OSTF1: variants seen among roughly 807,000 people sequenced by gnomAD.
The protein encoded by OSTF1 is osteoclast stimulating factor 1, also known as osteoclast-stimulating factor 1.
OSTF1 carries 27 observed loss-of-function variants against 37.2 expected under a neutral mutation model. The ratio of observed to expected loss-of-function variants is 0.73; its 90% confidence interval spans 0.54 to 1.00. The LOEUF (loss-of-function observed/expected upper bound fraction) is 1.00, where lower values mean the gene tolerates loss of function less well. Ranked by LOEUF, OSTF1 falls within the 50% of genes least tolerant of loss-of-function variation. OSTF1 has a pLI of 0.00. For synonymous variants in OSTF1, 82 were observed against 89.2 expected, an observed-to-expected ratio of 0.92 and a Z score of 0.46; for missense variants, 232 against 253.8, an observed-to-expected ratio of 0.91 and a Z score of 0.58.
chr9:75,116,351 A>T (rs927975773), intron 1 of OSTF1, among the ~76,000 whole-genome samples: 3 of 152,182 alleles, frequency 2.0e-5, no homozygotes, highest in Non-Finnish European at 4.4e-5. Flanking sequence ...GATTATACTC[A>T]TTTAGCAAAC....
intron 1 of OSTF1, among the ~76,000 whole-genome samples, chr9:75,114,872 A>G (rs1379242523): frequency 2.0e-5 from 3 of 152,150 alleles, no homozygotes; most frequent in Non-Finnish European, 2.9e-5. Flanking sequence ...TTTAAAATTC[A>G]TGCTTCCATC....
intron 1 of OSTF1, among the ~76,000 whole-genome samples, chr9:75,107,535 T>G (rs1587446419): frequency 6.6e-6 from 1 of 152,198 alleles, no homozygotes; most frequent in Non-Finnish European, 1.5e-5. Context: ...GGGAGAATAT[T>G]GTTTTTTATA....
intron 9 of OSTF1, among the ~76,000 whole-genome samples, chr9:75,141,776 C>T (rs963328088): frequency 1.3e-5 from 2 of 152,096 alleles, no homozygotes; most frequent in African/African-American, 4.8e-5. Flanking sequence ...TAGATGGAGT[C>T]TTACTCTGTT....
chr9:75,146,636 A>C (rs1826029012), intron 9 of OSTF1, 47 bp from the exon 10 acceptor site: 2 of 1,218,716 alleles, frequency 1.6e-6, no homozygotes, highest in Non-Finnish European at 2.4e-6. Context: ...AAATCTGAGC[A>C]GTTTATAATT....
intron 2 of OSTF1, among the ~76,000 whole-genome samples, chr9:75,120,177 G>T (rs1051007210): frequency 6.6e-6 from 1 of 152,180 alleles, no homozygotes; most frequent in Non-Finnish European, 1.5e-5. Flanking sequence ...CCATCGTAAA[G>T]TTGACAAATT....
At chr9:75,097,715 T>G (rs1248742961) in intron 1 of OSTF1, among the ~76,000 whole-genome samples, 1 of 151,968 alleles carries the variant, frequency 6.6e-6, no homozygotes, top group Non-Finnish European at 1.5e-5. Flanking sequence ...ACATGCTTCA[T>G]TATGAGTGGG....
At chr9:75,128,744 A>G (rs1161791352) in intron 3 of OSTF1, among the ~76,000 whole-genome samples, 2 of 150,800 alleles carry the variant, frequency 1.3e-5, no homozygotes. Context: ...AGAGCAAATG[A>G]GTAATTAGGT....
chr9:75,127,856 T>G (rs1331602596), intron 3 of OSTF1, among the ~76,000 whole-genome samples: 1 of 151,620 alleles, frequency 6.6e-6, no homozygotes, highest in East Asian at 1.9e-4. Flanking sequence ...TAGAAAGAAA[T>G]GGGGAATATC....
chr9:75,115,679 T>G (rs550265497), intron 1 of OSTF1, among the ~76,000 whole-genome samples: 76 of 151,586 alleles, frequency 5.0e-4, no homozygotes, highest in African/African-American at 1.6e-3. Flanking sequence ...TTTTGCTATC[T>G]ATAGGCTTTT....
intron 2 of OSTF1, among the ~76,000 whole-genome samples, chr9:75,123,708 G>A (rs1825618062): frequency 6.6e-6 from 1 of 152,220 alleles, no homozygotes; most frequent in South Asian, 2.1e-4. Flanking sequence ...TTAGGAAAAC[G>A]TGTCCCTAGT....
chr9:75,106,305 G>A (rs940889923), intron 1 of OSTF1, among the ~76,000 whole-genome samples: 1 of 152,206 alleles, frequency 6.6e-6, no homozygotes, highest in Non-Finnish European at 1.5e-5. Flanking sequence ...CTCACAGTAT[G>A]ACTTTCTTTC....
At chr9:75,111,895 C>T (rs980582694) in intron 1 of OSTF1, among the ~76,000 whole-genome samples, 1 of 125,110 alleles carries the variant, frequency 8.0e-6, no homozygotes, top group South Asian at 2.7e-4. Context: ...GTGATCTCGG[C>T]TCACTACCAC....
chr9:75,114,407 A>G (rs563871767), intron 1 of OSTF1, among the ~76,000 whole-genome samples: 6 of 152,350 alleles, frequency 3.9e-5, no homozygotes, highest in Admixed American at 1.3e-4. Flanking sequence ...AAATCAATTT[A>G]TCAGTCACAT....
chr9:75,143,247 TA>T (rs1825971034), intron 9 of OSTF1, among the ~76,000 whole-genome samples: 1 of 152,168 alleles, frequency 6.6e-6, no homozygotes. Context: ...GATTTTTTAA[TA>T]AGTACAAAAA....
rs371365788 is a variant in OSTF1, at chr9:75,146,799, T to C, written c.*58T>C. On this transcript the variant is annotated 3_prime_UTR_variant, in exon 10 of 10. Coordinates refer to ENST00000346234, the MANE Select transcript of OSTF1 (RefSeq NM_012383.5). ...TGTTGCTTTTGCCATTCCAAAACTT[T>C]GTCTTTGCCAGAAAAGTGTTGGTAA... 14 of 1,291,666 alleles carry C rather than the reference T, an allele frequency of 1.1e-5. No homozygotes were observed. The highest frequency in any genetic ancestry group is 1.5e-5 in the Non-Finnish European group (14 of 904,888). The allele number at this position is 1,291,666 out of a possible 1,614,324, so 80.0% of individuals were successfully genotyped here. A position where few individuals can be genotyped will look rare whatever the true frequency, so the allele number is the denominator to read the frequency against.
intron 2 of OSTF1, among the ~76,000 whole-genome samples, chr9:75,122,347 G>A (rs866929727): frequency 6.6e-6 from 1 of 152,190 alleles, no homozygotes; most frequent in Non-Finnish European, 1.5e-5. Flanking sequence ...TTTGTAGAGA[G>A]TTTTTAACTT....
At chr9:75,146,622 AAT>A in intron 9 of OSTF1, 59 bp from the exon 10 acceptor site, 1 of 1,130,176 alleles carries the variant, frequency 8.8e-7, no homozygotes, top group Admixed American at 1.9e-5. Flanking sequence ...AAAATGAAAA[AAT>A]AAAATCTGAG....
intron 9 of OSTF1, among the ~76,000 whole-genome samples, chr9:75,141,561 T>C (rs1024856557): frequency 2.7e-4 from 41 of 152,190 alleles, no homozygotes; most frequent in African/African-American, 9.6e-4. Flanking sequence ...CATTTAAATA[T>C]GTATTTATGA....
chr9:75,094,596 C>T (rs1825039533), intron 1 of OSTF1, among the ~76,000 whole-genome samples: 1 of 151,998 alleles, frequency 6.6e-6, no homozygotes, highest in Admixed American at 6.6e-5. Context: ...CACCTTATAC[C>T]TCAGGGCATA....
Sources: allele counts gnomAD v4.1 joint callset (sites outside exome capture counted in the v4.1 genomes callset), GRCh38; gene constraint gnomAD v4.1.1; transcripts MANE v1.5; gene names NCBI Gene and HGNC (gene_info 2026-07-23, HGNC 2026-07-21).